TNPO1: variants seen among roughly 807,000 people sequenced by gnomAD.
TNPO1 encodes transportin 1.
In TNPO1, 8 loss-of-function variants were observed where a neutral mutation model predicts 119.5. The observed-to-expected ratio is 0.07, with a 90% confidence interval of 0.04 to 0.12. The LOEUF (loss-of-function observed/expected upper bound fraction) is 0.12. Ranked by LOEUF, TNPO1 falls within the 10% of genes least tolerant of loss-of-function variation. The pLI is 1.00. For synonymous variants in TNPO1, 362 were observed against 363.0 expected (o/e 1.00, Z 0.03); for missense variants, 576 against 1,089.8 (o/e 0.53, Z 6.64).
chr5:72,858,730 T>G (rs34663), intron 4 of TNPO1, among the ~76,000 whole-genome samples: 124,165 of 151,324 alleles, frequency 0.82, 51,204 homozygotes, highest in Non-Finnish European at 0.86. Context: ...CCAGCTACTC[T>G]GGAGGCTGAG....
chr5:72,878,783 A>T, intron 9 of TNPO1: 2 of 318,598 alleles, frequency 6.3e-6, no homozygotes, highest in Non-Finnish European at 1.2e-5. Flanking sequence ...AATGTCATAG[A>T]TACTAATTTT....
At chr5:72,851,125 T>TAAA in intron 2 of TNPO1, 119 bp from the exon 3 acceptor site, 1 of 598,560 alleles carries the variant, frequency 1.7e-6, no homozygotes, top group Non-Finnish European at 3.0e-6. Context: ...ATTCTTAGTT[T>TAAA]AAAAAAAAAA....
intron 1 of TNPO1, among the ~76,000 whole-genome samples, chr5:72,817,261 C>T (rs745741781): frequency 1.6e-4 from 24 of 152,308 alleles, no homozygotes; most frequent in Admixed American, 5.2e-4. Context: ...TGCAGCTTGC[C>T]GTTCTCTTCC....
At chr5:72,880,693 G>C (rs928782320) in intron 9 of TNPO1, among the ~76,000 whole-genome samples, 2 of 151,668 alleles carry the variant, frequency 1.3e-5, no homozygotes, top group South Asian at 4.2e-4. Flanking sequence ...GCGTATGCTT[G>C]TAGTCCCAGC....
chr5:72,846,738 G>C (rs1222096072), intron 1 of TNPO1, among the ~76,000 whole-genome samples: 2 of 152,110 alleles, frequency 1.3e-5, no homozygotes, highest in Non-Finnish European at 2.9e-5. Context: ...CTGGGTGTTG[G>C]TTACACAGAT....
At chr5:72,853,682 T>G (rs911535616) in intron 3 of TNPO1, among the ~76,000 whole-genome samples, 9 of 151,300 alleles carry the variant, frequency 5.9e-5, no homozygotes, top group African/African-American at 2.2e-4. Flanking sequence ...CCTGGGAAGA[T>G]TGGGACACAA....
At chr5:72,904,606 G>A (rs1051653940) in intron 23 of TNPO1, among the ~76,000 whole-genome samples, 4 of 152,128 alleles carry the variant, frequency 2.6e-5, no homozygotes, top group African/African-American at 9.7e-5. Flanking sequence ...GACCAGCCTG[G>A]CCAACATGGT....
In TNPO1 at chr5:72,846,396, GTT is replaced by G. The variant is rs1561302717; in HGVS notation, c.16-1988_16-1987del. On this transcript the variant is annotated intron_variant, in intron 1 of 24. Transcript: ENST00000337273. The stretch of plus-strand genomic sequence containing the variant: ...CATGTCATATTAATGTGTAAAAAAC[GTT>G]GTAGAGTTAGTATTAGTGTAGTATG... 8.9e-4 allele frequency among the ~76,000 whole-genome samples: 40 copies of G among 44,722 alleles called. 1 individual carries two copies. The Admixed American group carries it at 0.016, about 18-fold the overall frequency. 29.3% of individuals were successfully genotyped at this position (44,722 alleles called of 152,430 possible).
chr5:72,866,378 A>T (rs1358902648), intron 6 of TNPO1, among the ~76,000 whole-genome samples: 1 of 152,204 alleles, frequency 6.6e-6, no homozygotes, highest in African/African-American at 2.4e-5. Context: ...CGTTTCCAGG[A>T]AGTTTCCCCC....
Position 72,911,714 on chromosome 5 carries a change from T to TA in TNPO1, c.*3042dup, listed in dbSNP as rs1242876517. On this transcript the variant is annotated 3_prime_UTR_variant, in exon 25 of 25. Coordinates refer to ENST00000337273, the MANE Select transcript of TNPO1 (RefSeq NM_002270.4). ...AGCACGGCTTACTTCATCTGCTCCT[T>TA]ACACACTAAAATGCTGTTAGTGTGC... 6.6e-6 allele frequency: 1 copy of TA among 152,594 alleles called. No homozygotes were observed. Among genetic ancestry groups the TA allele is most frequent in the Non-Finnish European group, 1.5e-5 (1 of 67,958 alleles). The allele number at this position is 152,594 out of a possible 1,614,324, so 9.5% of individuals were successfully genotyped here.
intron 5 of TNPO1, among the ~76,000 whole-genome samples, chr5:72,865,217 G>A (rs1438574949): frequency 1.3e-5 from 2 of 152,016 alleles, no homozygotes; most frequent in East Asian, 1.9e-4. Context: ...TGAGGCAGGC[G>A]GACCAGCTGA....
chr5:72,892,282 C>CT (rs955472564), intron 15 of TNPO1, among the ~76,000 whole-genome samples: 118 of 148,208 alleles, frequency 8.0e-4, no homozygotes, highest in African/African-American at 2.2e-3. Context: ...TACTTAACTA[C>CT]TTTTTTTTTT....
At chr5:72,850,900 T>G (rs1745495930) in intron 2 of TNPO1, among the ~76,000 whole-genome samples, 1 of 152,220 alleles carries the variant, frequency 6.6e-6, no homozygotes, top group South Asian at 2.1e-4. Flanking sequence ...TTTTTGTCAT[T>G]TTATGCTTAA....
intron 1 of TNPO1, among the ~76,000 whole-genome samples, chr5:72,840,951 C>A (rs753147877): frequency 6.6e-6 from 1 of 152,104 alleles, no homozygotes; most frequent in Non-Finnish European, 1.5e-5. Flanking sequence ...CAGTCTCAAT[C>A]GAGGATGATT....
At chr5:72,890,890 G>A (rs1057267972) in intron 14 of TNPO1, among the ~76,000 whole-genome samples, 2 of 152,094 alleles carry the variant, frequency 1.3e-5, no homozygotes, top group African/African-American at 4.8e-5. Context: ...GTCTCACTCT[G>A]TCACCTAGGC....
chr5:72,828,453 T>C (rs957016240), intron 1 of TNPO1, among the ~76,000 whole-genome samples: 2 of 152,208 alleles, frequency 1.3e-5, no homozygotes, highest in Non-Finnish European at 2.9e-5. Flanking sequence ...ATATTTACTT[T>C]ACATGGATTC....
intron 1 of TNPO1, among the ~76,000 whole-genome samples, chr5:72,845,554 GAT>G (rs1171430946): frequency 1.3e-5 from 2 of 152,150 alleles, no homozygotes; most frequent in Non-Finnish European, 2.9e-5. Flanking sequence ...TTTTTAAAAA[GAT>G]GTGATAGAAA....
chr5:72,845,234 A>G (rs1281541425), intron 1 of TNPO1, among the ~76,000 whole-genome samples: 2 of 152,156 alleles, frequency 1.3e-5, no homozygotes, highest in African/African-American at 2.4e-5. Context: ...AACATGCAAA[A>G]AGAATACTCC....
Position 72,882,609 on chromosome 5 carries a change from C to A in TNPO1, c.981+82C>A, listed in dbSNP as rs1748326230. On this transcript the variant is annotated intron_variant, in intron 10 of 24. Coordinates refer to ENST00000337273, the MANE Select transcript of TNPO1 (RefSeq NM_002270.4). ...CTTTGGATTTGGCCAATAAAACATTCATTGAGAATAGATCTCCTGTAAATA... is the reference window on the plus strand; with the variant it reads ...CTTTGGATTTGGCCAATAAAACATTAATTGAGAATAGATCTCCTGTAAATA... 4 of 933,574 alleles carry A rather than the reference C, an allele frequency of 4.3e-6. No individual in the cohort carries two copies. The African/African-American group carries it at 5.0e-5, about 12-fold the overall frequency. 57.8% of individuals were successfully genotyped at this position (933,574 alleles called of 1,614,324 possible).
Sources: gnomAD v4.1 joint callset for allele counts (sites outside exome capture counted in the v4.1 genomes callset) on GRCh38, gnomAD v4.1.1 for gene constraint, MANE v1.5 for transcripts, NCBI Gene and HGNC (gene_info 2026-07-23, HGNC 2026-07-21) for gene names.